The following AGBL4 variants were observed in gnomAD, a reference collection of about 807,000 sequenced individuals.
The protein encoded by AGBL4 is AGBL carboxypeptidase 4, also known as cytosolic carboxypeptidase 6.
Under a neutral mutation model 66.4 loss-of-function variants are expected in AGBL4, and 58 were observed. The ratio of observed to expected loss-of-function variants is 0.87; its 90% CI spans 0.71 to 1.09. The LOEUF is 1.09. AGBL4 is among the 50% of genes least tolerant of loss of function. The pLI, the probability that AGBL4 is intolerant of heterozygous loss-of-function variation, is 0.00. For synonymous variants in AGBL4, 234 were observed against 222.9 expected, an observed-to-expected ratio of 1.05 and a Z score of -0.44; for missense variants, 579 against 631.0, an observed-to-expected ratio of 0.92 and a Z score of 0.88.
intron 3 of AGBL4, among the ~76,000 whole-genome samples, chr1:49,642,306 T>C (rs1442698751): frequency 6.6e-6 from 1 of 151,938 alleles, no homozygotes; most frequent in East Asian, 1.9e-4. Context: ...CAACAAAGGA[T>C]GATAATCCTA....
intron 1 of AGBL4, chr1:49,995,800 T>G (rs1448766079): frequency 6.5e-6 from 1 of 153,480 alleles, no homozygotes; most frequent in South Asian, 2.0e-4. Flanking sequence ...TTCACTCCCC[T>G]GCTACCTGCA....
At chr1:49,995,448 T>C (rs1286730464) in intron 1 of AGBL4, 2 of 370,828 alleles carry the variant, frequency 5.4e-6, no homozygotes, top group African/African-American at 4.2e-5. Flanking sequence ...ACAACTCCAC[T>C]GGGCTGAGAA....
In AGBL4 at chr1:48,805,383, G is replaced by A. The variant is rs574803172; in HGVS notation, c.634+61808C>T. ...CAATGTGCTCTTGCTTGATGTTGTG[G>A]AGCATTTAGAGCATGCAAGGTAGAA... On this transcript the variant is annotated intron_variant, in intron 6 of 13. Transcript: ENST00000371839. Among the ~76,000 whole-genome samples, 18 of 152,268 alleles carry A rather than the reference G, an allele frequency of 1.2e-4. 1 individual carries two copies. The South Asian group carries it at 3.3e-3, about 28-fold the overall frequency.
At chr1:48,705,567 G>A (rs1646869950) in intron 6 of AGBL4, among the ~76,000 whole-genome samples, 1 of 152,166 alleles carries the variant, frequency 6.6e-6, no homozygotes, top group African/African-American at 2.4e-5. Context: ...GCAGCATAGG[G>A]GGCTAAGTAA....
chr1:48,720,666 C>T (rs1647131420), intron 6 of AGBL4, among the ~76,000 whole-genome samples: 1 of 152,190 alleles, frequency 6.6e-6, no homozygotes, highest in Non-Finnish European at 1.5e-5. Flanking sequence ...TAAAAAACAT[C>T]ACCATAACTA....
chr1:48,802,081 G>C lies in AGBL4; in HGVS notation c.634+65110C>G, dbSNP rs577852043. Among the ~76,000 whole-genome samples the C allele has an allele frequency of 1.5e-4, 23 of 152,264 alleles. No individual in the cohort carries two copies. In the East Asian group the frequency reaches 3.5e-3, roughly 23 times the overall value. Reference sequence around the variant, plus strand: ...TTCACTGGCTTCCTATCAGTTGATAGAAAGTTTCAGGATGGAGGCCAGGCT... The same window carrying C: ...TTCACTGGCTTCCTATCAGTTGATACAAAGTTTCAGGATGGAGGCCAGGCT... On this transcript the variant is annotated intron_variant, in intron 6 of 13. Transcript: ENST00000371839.
intron 2 of AGBL4, among the ~76,000 whole-genome samples, chr1:49,710,882 C>CA (rs1215909944): frequency 6.6e-6 from 1 of 151,138 alleles, no homozygotes; most frequent in Non-Finnish European, 1.5e-5. Context: ...TCTTATGAAG[C>CA]AAAAAATTAA....
chr1:49,912,218 C>T (rs1234502036), intron 1 of AGBL4, among the ~76,000 whole-genome samples: 5 of 152,124 alleles, frequency 3.3e-5, no homozygotes, highest in Non-Finnish European at 5.9e-5. Context: ...CAGGGACTTG[C>T]GAGGAGACAT....
intron 1 of AGBL4, among the ~76,000 whole-genome samples, chr1:49,863,796 T>C (rs1009158018): frequency 6.6e-6 from 1 of 152,156 alleles, no homozygotes; most frequent in Non-Finnish European, 1.5e-5. Context: ...GGTAAGGATG[T>C]AGAGAAAAGG....
chr1:48,928,755 T>C (rs982600919), intron 5 of AGBL4, among the ~76,000 whole-genome samples: 3 of 151,606 alleles, frequency 2.0e-5, no homozygotes, highest in Non-Finnish European at 4.4e-5. Context: ...ATAATAGACA[T>C]AATATATATA....
chr1:48,852,121 C>CTA (rs1647049336), intron 6 of AGBL4, among the ~76,000 whole-genome samples: 1 of 145,278 alleles, frequency 6.9e-6, no homozygotes, highest in South Asian at 2.2e-4. Context: ...GGATGAAAGA[C>CTA]TTGAAGCTTT....
chr1:49,714,491 A>G (rs1647924414), intron 2 of AGBL4, among the ~76,000 whole-genome samples: 1 of 151,482 alleles, frequency 6.6e-6, no homozygotes, highest in Non-Finnish European at 1.5e-5. Flanking sequence ...TATTTCACTT[A>G]AGATAATGGT....
intron 3 of AGBL4, among the ~76,000 whole-genome samples, chr1:49,601,321 C>T (rs2124162416): frequency 6.6e-6 from 1 of 151,984 alleles, no homozygotes; most frequent in East Asian, 1.9e-4. Context: ...AGGCTTTGTT[C>T]ATTTCTTTTC....
At chr1:48,831,545 T>A (rs954577514) in intron 6 of AGBL4, among the ~76,000 whole-genome samples, 2 of 152,238 alleles carry the variant, frequency 1.3e-5, no homozygotes, top group Admixed American at 6.5e-5. Context: ...GCTGTAACAT[T>A]TAGTTTTTTG....
chr1:49,015,671 G>A (rs541310302), intron 5 of AGBL4, among the ~76,000 whole-genome samples: 5 of 151,774 alleles, frequency 3.3e-5, no homozygotes, highest in African/African-American at 9.7e-5. Flanking sequence ...TGATCCGCCC[G>A]CCTAGGCCTC....
intron 3 of AGBL4, among the ~76,000 whole-genome samples, chr1:49,658,152 A>C (rs989340404): frequency 2.0e-5 from 3 of 152,166 alleles, no homozygotes; most frequent in East Asian, 1.9e-4. Flanking sequence ...AACTCAAACA[A>C]ATTTACAAGA....
At chr1:48,815,818 GA>G (rs1646160138) in intron 6 of AGBL4, among the ~76,000 whole-genome samples, 1 of 152,182 alleles carries the variant, frequency 6.6e-6, no homozygotes, top group African/African-American at 2.4e-5. Context: ...GATGGGTTAA[GA>G]GTTCAAGGCA....
chr1:49,659,595 C>A (rs967734502), intron 3 of AGBL4, among the ~76,000 whole-genome samples: 28 of 152,102 alleles, frequency 1.8e-4, no homozygotes, highest in Non-Finnish European at 1.0e-4. Context: ...ACAAGAAGTG[C>A]TAACCATCCT....
At chr1:49,632,156 C>A (rs1645582563) in intron 3 of AGBL4, among the ~76,000 whole-genome samples, 1 of 152,126 alleles carries the variant, frequency 6.6e-6, no homozygotes, top group Non-Finnish European at 1.5e-5. Context: ...AAGGGACAAA[C>A]TTAAATTTAG....
Sources: gnomAD v4.1 joint callset for allele counts (sites outside exome capture counted in the v4.1 genomes callset) on GRCh38, gnomAD v4.1.1 for gene constraint, MANE v1.5 for transcripts, NCBI Gene and HGNC (gene_info 2026-07-23, HGNC 2026-07-21) for gene names.